Variants in PNPLA1 observed in about 807,000 individuals in gnomAD.
PNPLA1 encodes omega-hydroxyceramide transacylase.
A neutral mutation model predicts 51.7 loss-of-function variants in PNPLA1; 36 were observed. That is an observed-to-expected ratio of 0.70 (90% CI 0.53 to 0.92). PNPLA1 has a LOEUF of 0.92. Ranked by LOEUF, PNPLA1 falls within the 40% of genes least tolerant of loss-of-function variation. The pLI is 0.00. For synonymous variants in PNPLA1, 293 were observed against 280.1 expected (o/e 1.05, Z -0.46); for missense variants, 658 against 682.5 (o/e 0.96, Z 0.40).
intron 8 of PNPLA1, among the ~76,000 whole-genome samples, chr6:36,309,067 G>T (rs1771329242): frequency 6.6e-6 from 1 of 152,202 alleles, no homozygotes; most frequent in Non-Finnish European, 1.5e-5. Flanking sequence ...GTCCCAAGTG[G>T]GGTCCCTGGA....
rs141634257 is a variant in PNPLA1 at position 36,304,304 on chromosome 6, T to A, written c.1384+1835T>A. On this transcript the variant is annotated intron_variant, in intron 6 of 8. Coordinates refer to ENST00000636260, the MANE Select transcript of PNPLA1 (RefSeq NM_001374623.1). ...CAACTTGGTAGAGATGCCCTTTCTT[T>A]GGAACAGGTTTACTTTGACTCTTTT... 2.1e-3 allele frequency among the ~76,000 whole-genome samples: 326 copies of A among 152,266 alleles called. 2 individuals are homozygous for A. The highest frequency in any genetic ancestry group is 7.2e-3 in the African/African-American group (298 of 41,554).
chr6:36,263,548 A>G (rs1222029641), intron 1 of PNPLA1, among the ~76,000 whole-genome samples: 1 of 152,144 alleles, frequency 6.6e-6, no homozygotes, highest in Non-Finnish European at 1.5e-5. Context: ...CGTGATTAGG[A>G]CTCTTATAAA....
At chr6:36,255,334 G>A (rs1463370631) in intron 1 of PNPLA1, among the ~76,000 whole-genome samples, 1 of 152,002 alleles carries the variant, frequency 6.6e-6, no homozygotes, top group African/African-American at 2.4e-5. Context: ...GAAAAACCCC[G>A]TCTCTACTAA....
chr6:36,298,459 A>G (rs180921740), intron 5 of PNPLA1, among the ~76,000 whole-genome samples: 5 of 152,358 alleles, frequency 3.3e-5, no homozygotes, highest in African/African-American at 9.6e-5. Flanking sequence ...TTAAGCACAC[A>G]GTTCAGTAGT....
chr6:36,283,983 G>T (rs571987512), intron 1 of PNPLA1, among the ~76,000 whole-genome samples: 1 of 152,370 alleles, frequency 6.6e-6, no homozygotes, highest in East Asian at 1.9e-4. Flanking sequence ...AGGGGCAATG[G>T]CCCTGAATAC....
chr6:36,269,537 C>T (rs772367023), upstream of PNPLA1, among the ~76,000 whole-genome samples: 6 of 152,274 alleles, frequency 3.9e-5, no homozygotes, highest in South Asian at 2.1e-4. Flanking sequence ...AAGAAGAACA[C>T]GCAACACGAA....
chr6:36,306,448 C>A, intron 7 of PNPLA1, 72 bp downstream of exon 7: 1 of 1,352,092 alleles, frequency 7.4e-7, no homozygotes, highest in Non-Finnish European at 1.0e-6. Context: ...GCGATATCTT[C>A]CACCACCTTA....
At chr6:36,298,884 A>G in intron 5 of PNPLA1, among the ~76,000 whole-genome samples, 1 of 152,160 alleles carries the variant, frequency 6.6e-6, no homozygotes, top group Non-Finnish European at 1.5e-5. Flanking sequence ...GACTACAGGC[A>G]CACGCCACCA....
chr6:36,258,291 G>A (rs976130500), intron 1 of PNPLA1, among the ~76,000 whole-genome samples: 1 of 152,150 alleles, frequency 6.6e-6, no homozygotes, highest in African/African-American at 2.4e-5. Context: ...CTTTCCAGCT[G>A]TGTAGTCACC....
intron 1 of PNPLA1, among the ~76,000 whole-genome samples, chr6:36,285,372 TGGGGCCCCGCAGTCCCATCCTCTGTG>T (rs1483269312): frequency 6.6e-6 from 1 of 152,194 alleles, no homozygotes; most frequent in East Asian, 1.9e-4. Context: ...GCCCTGAGCC[TGGGGCCCCGCAGTCCCATCCTCTGTG>T]GCAGATCCAT....
In PNPLA1 at chr6:36,291,517, G is replaced by A. The variant is rs559381304; in HGVS notation, c.403G>A (p.Val135Ile). 6 of 1,339,438 alleles carry A rather than the reference G, an allele frequency of 4.5e-6. No individual in the cohort carries two copies. The highest frequency in any genetic ancestry group is 1.1e-5 in the South Asian group (1 of 87,524). 83.0% of individuals were successfully genotyped at this position (1,339,438 alleles called of 1,614,324 possible). A position where few individuals can be genotyped will look rare whatever the true frequency, so the allele number is the denominator to read the frequency against. ...CTTAACGGACGGGGAGAATGTGGTG[G>A]TTTCAGAGTTCACGTCCAAGGAGGA... ...TRLTDGENVV[V>I]SEFTSKEELI... The change falls in exon 2 of 9, where the codon GTT becomes ATT. Residue 135 changes from valine (V) to isoleucine (I), a missense_variant. Coordinates refer to ENST00000636260, the MANE Select transcript of PNPLA1 (RefSeq NM_001374623.1).
At chr6:36,280,529 C>T (rs886516685) in intron 1 of PNPLA1, among the ~76,000 whole-genome samples, 1 of 152,196 alleles carries the variant, frequency 6.6e-6, no homozygotes, top group Non-Finnish European at 1.5e-5. Context: ...TGGGCAGACA[C>T]AAGCCACTGG....
At chr6:36,306,788 T>C (rs1057298381) in intron 7 of PNPLA1, among the ~76,000 whole-genome samples, 2 of 152,210 alleles carry the variant, frequency 1.3e-5, no homozygotes, top group Non-Finnish European at 2.9e-5. Context: ...AGGCCTTCCT[T>C]ACTCCGAACT....
In PNPLA1 at chr6:36,279,934, G is replaced by A. The variant is rs572555415; in HGVS notation, c.205+9270G>A. On this transcript the variant is annotated intron_variant, in intron 1 of 8. Coordinates refer to ENST00000636260, the MANE Select transcript of PNPLA1 (RefSeq NM_001374623.1). ...CTTTATTAAAACAAACAGGCTGGGC[G>A]TGGTGGCTCACGCCTGTAATCCCAG... Among the ~76,000 whole-genome samples the A allele has an allele frequency of 3.5e-4, 53 of 152,354 alleles. No homozygotes were observed. The South Asian group carries it at 9.9e-3, about 29-fold the overall frequency.
chr6:36,266,784 A>C (rs554951215), upstream of PNPLA1, among the ~76,000 whole-genome samples: 12 of 152,342 alleles, frequency 7.9e-5, no homozygotes, highest in East Asian at 1.9e-4. Context: ...GTAAGCTGGA[A>C]GTTAGGCCTC....
chr6:36,251,418 G>A lies in PNPLA1; in HGVS notation c.-81+8157G>A, dbSNP rs570991196. On this transcript the variant is annotated intron_variant, in intron 1 of 7. Coordinates refer to the PNPLA1 transcript ENST00000312917. ...GTTACTTCTGTTCATCCTGCACAAA[G>A]GATGATTGCTCTTCTATGCCCTTCT... Among the ~76,000 whole-genome samples, 208 of 152,290 alleles carry A rather than the reference G, an allele frequency of 1.4e-3. 2 individuals are homozygous for A. The highest frequency in any genetic ancestry group is 2.4e-3 in the Non-Finnish European group (166 of 68,030).
intron 1 of PNPLA1, among the ~76,000 whole-genome samples, chr6:36,288,485 G>A (rs1040665449): frequency 2.2e-5 from 3 of 138,318 alleles, no homozygotes; most frequent in South Asian, 4.5e-4. Flanking sequence ...TCGCTCTGTC[G>A]CCCAGGCCGG....
At position 36,313,495 on chromosome 6, in the gene PNPLA1, T is replaced by C. The variant is rs1160939265; in HGVS notation, c.*1609T>C. Reference sequence around the variant, plus strand: ...AGACCATATGCAAATTTAAGCCTGGTGGGGCTGGGGATTTAGAGGGTTGGG... The same window carrying C: ...AGACCATATGCAAATTTAAGCCTGGCGGGGCTGGGGATTTAGAGGGTTGGG... On this transcript the variant is annotated 3_prime_UTR_variant, in exon 9 of 9. Transcript: ENST00000636260. 6.6e-6 allele frequency among the ~76,000 whole-genome samples: 1 copy of C among 152,092 alleles called. No individual in the cohort carries two copies. The highest frequency in any genetic ancestry group is 2.4e-5 in the African/African-American group (1 of 41,406).
chr6:36,308,225 A>T (rs187715645), intron 8 of PNPLA1: 1 of 152,504 alleles, frequency 6.6e-6, no homozygotes, highest in African/African-American at 2.4e-5. Context: ...AAAAATACAA[A>T]AATTAACCAG....
Sources: gnomAD v4.1 joint callset for allele counts (sites outside exome capture counted in the v4.1 genomes callset) on GRCh38, gnomAD v4.1.1 for gene constraint, MANE v1.5 for transcripts, NCBI Gene and HGNC (gene_info 2026-07-23, HGNC 2026-07-21) for gene names.